ITGA4: variants seen among roughly 807,000 people sequenced by gnomAD.
The protein encoded by ITGA4 is integrin alpha-4.
ITGA4 carries 63 observed loss-of-function variants against 133.6 expected under a neutral mutation model. The observed-to-expected ratio is 0.47, with a 90% confidence interval of 0.38 to 0.58. The LOEUF is 0.58. Among genes scored for constraint, ITGA4 ranks in the 20% least tolerant of loss-of-function variants. The pLI, the probability that ITGA4 is intolerant of heterozygous loss-of-function variation, is 0.00. For missense variants in ITGA4, 1,076 were observed against 1,252.7 expected (o/e 0.86, Z 2.13); for synonymous variants, 483 against 438.0 (o/e 1.10, Z -1.28).
intron 7 of ITGA4, among the ~76,000 whole-genome samples, chr2:181,482,027 T>C (rs1343034085): frequency 6.6e-6 from 1 of 152,174 alleles, no homozygotes; most frequent in Non-Finnish European, 1.5e-5. Context: ...AAGGAAATAT[T>C]ATTCCTGGTT....
intron 2 of ITGA4, among the ~76,000 whole-genome samples, chr2:181,470,783 G>T (rs1214775641): frequency 6.6e-6 from 1 of 152,178 alleles, no homozygotes; most frequent in Non-Finnish European, 1.5e-5. Context: ...GCTGAAGTGG[G>T]AGGATTACAA....
chr2:181,465,395 T>C (rs1685387113), intron 2 of ITGA4, among the ~76,000 whole-genome samples: 1 of 152,134 alleles, frequency 6.6e-6, no homozygotes, highest in South Asian at 2.1e-4. Flanking sequence ...TGACCTCCTT[T>C]AATTCTTTCA....
intron 22 of ITGA4, 99 bp from the exon 23 acceptor site, chr2:181,529,442 T>C: frequency 1.9e-6 from 1 of 529,304 alleles, no homozygotes; most frequent in Non-Finnish European, 3.4e-6. Flanking sequence ...ACTATAAATG[T>C]TGCATGGAAT....
In ITGA4 at chr2:181,472,256, G is replaced by A. The variant is rs539690311; in HGVS notation, c.320-2704G>A. 1.2e-4 allele frequency among the ~76,000 whole-genome samples: 19 copies of A among 152,288 alleles called. No individual in the cohort carries two copies. The South Asian group carries it at 1.7e-3, about 13-fold the overall frequency. On this transcript the variant is annotated intron_variant, in intron 2 of 27. Transcript: ENST00000397033. ...TACAAAACAGTTCAGCTAAGAAACC[G>A]ATAACAATACACTATTTTTGCACAT...
chr2:181,485,913 C>T lies in ITGA4; in HGVS notation c.1074C>T (p.Leu358=), dbSNP rs200722520. Residue 358 remains leucine, a synonymous_variant, in exon 10 of 28, where the codon CTC becomes CTT. Transcript: ENST00000397033. ...TAATGAATGCAATGGAAACAAACCT[C>T]GTTGGAAGTGACAAATATGCTGCAA... ...GAVMNAMETN[L]VGSDKYAARF... is the part of the protein sequence containing the mutation. 1.9e-5 allele frequency: 31 copies of T among 1,603,656 alleles called. No individual in the cohort carries two copies. Among genetic ancestry groups the T allele is most frequent in the East Asian group, 4.5e-5 (2 of 44,216 alleles).
intron 23 of ITGA4, 78 bp downstream of exon 23, chr2:181,529,726 G>A (rs548482814): frequency 2.7e-6 from 2 of 732,340 alleles, no homozygotes; most frequent in Non-Finnish European, 4.7e-6. Context: ...TCCTTTATTC[G>A]AGTAATGATG....
At chr2:181,459,089 A>G (rs755961506) in intron 2 of ITGA4, 1 of 152,206 alleles carries the variant, frequency 6.6e-6, no homozygotes, top group Non-Finnish European at 1.5e-5. Flanking sequence ...TGTTACTGCT[A>G]TATATATTGC....
intron 23 of ITGA4, among the ~76,000 whole-genome samples, chr2:181,529,911 T>G (rs1038073523): frequency 6.6e-6 from 1 of 152,210 alleles, no homozygotes; most frequent in East Asian, 1.9e-4. Flanking sequence ...CATTGAATAA[T>G]TATTTTAAGA....
At position 181,526,820 on chromosome 2, in the gene ITGA4, C is replaced by CTTTTTT. The variant is rs1559056789; in HGVS notation, c.2340-477_2340-476insTTTTTT. 1.8e-4 allele frequency among the ~76,000 whole-genome samples: 5 copies of CTTTTTT among 27,874 alleles called. No individual in the cohort carries two copies. In the East Asian group the frequency reaches 3.1e-3, roughly 17 times the overall value. The allele number at this position is 27,874 out of a possible 152,430, so 18.3% of individuals were successfully genotyped here. A position where few individuals can be genotyped will look rare whatever the true frequency, so the allele number is the denominator to read the frequency against. Reference sequence around the variant, plus strand: ...TTGTCACCCAGGTCAGAGCACATGGCCTTTTTTTTTTTTTTTTTTTTTTTT... The same window carrying CTTTTTT: ...TTGTCACCCAGGTCAGAGCACATGGCTTTTTTCTTTTTTTTTTTTTTTTTTTTTTTT... On this transcript the variant is annotated intron_variant, in intron 21 of 27. Transcript: ENST00000397033.
At chr2:181,512,874 T>A (rs566264917) in intron 17 of ITGA4, among the ~76,000 whole-genome samples, 15 of 152,182 alleles carry the variant, frequency 9.9e-5, no homozygotes, top group African/African-American at 3.6e-4. Context: ...TTTTATGTAT[T>A]TATCAAATGT....
At chr2:181,496,027 C>A in intron 14 of ITGA4, 90 bp downstream of exon 14, 1 of 1,307,218 alleles carries the variant, frequency 7.6e-7, no homozygotes, top group South Asian at 1.4e-5. Flanking sequence ...CGGTTTTCAC[C>A]ACGGAGATCT....
chr2:181,489,662 TTTTA>T (rs369737106), intron 10 of ITGA4, among the ~76,000 whole-genome samples: 110 of 152,274 alleles, frequency 7.2e-4, no homozygotes, highest in African/African-American at 2.4e-3. Flanking sequence ...AGCACTTCTG[TTTTA>T]TTTGTTTATA....
chr2:181,534,779 T>C, intron 26 of ITGA4, 37 bp from the exon 27 acceptor site: 1 of 1,545,772 alleles, frequency 6.5e-7, no homozygotes. Flanking sequence ...GATTTTTTTT[T>C]TTGGTTTTTG....
chr2:181,506,010 G>C lies in ITGA4; in HGVS notation c.1696-3648G>C, dbSNP rs936781126. Among the ~76,000 whole-genome samples, 3 of 151,918 alleles carry C rather than the reference G, an allele frequency of 2.0e-5. No homozygotes were observed. In the East Asian group the frequency reaches 5.8e-4, roughly 29 times the overall value. ...GCCTTGATTTGCAGCATTCCTATAC[G>C]GTCAAAGTTTCATGTTGAGATGATC... On this transcript the variant is annotated intron_variant, in intron 15 of 27. Coordinates refer to ENST00000397033, the MANE Select transcript of ITGA4 (RefSeq NM_000885.6).
intron 14 of ITGA4, among the ~76,000 whole-genome samples, chr2:181,497,838 A>G (rs539163420): frequency 1.3e-5 from 2 of 151,798 alleles, no homozygotes; most frequent in African/African-American, 4.8e-5. Context: ...TCTTGGTAAG[A>G]TCTGGCTTGG....
chr2:181,482,311 T>TA (rs765329314), intron 7 of ITGA4, 49 bp from the exon 8 acceptor site: 4 of 1,519,484 alleles, frequency 2.6e-6, no homozygotes, highest in South Asian at 2.5e-5. Flanking sequence ...AGTGGTGTTT[T>TA]AAAAAATGTT....
chr2:181,509,866 A>G, intron 16 of ITGA4, 59 bp downstream of exon 16: 2 of 1,299,992 alleles, frequency 1.5e-6, no homozygotes, highest in Non-Finnish European at 2.2e-6. Context: ...TTTTTAAAAT[A>G]TGGCATAATT....
At chr2:181,509,238 ATGT>A (rs533130160) in intron 15 of ITGA4, among the ~76,000 whole-genome samples, 176 of 151,462 alleles carry the variant, frequency 1.2e-3, no homozygotes, top group African/African-American at 4.2e-3. Context: ...TTCAATCAAA[ATGT>A]TGTTGAGAGA....
At chr2:181,486,520 A>G (rs905182411) in intron 10 of ITGA4, among the ~76,000 whole-genome samples, 2 of 152,192 alleles carry the variant, frequency 1.3e-5, no homozygotes, top group African/African-American at 4.8e-5. Flanking sequence ...GGGGAATTCA[A>G]GAAGAGATTC....
Sources: gnomAD v4.1 joint callset for allele counts (sites outside exome capture counted in the v4.1 genomes callset) on GRCh38, gnomAD v4.1.1 for gene constraint, MANE v1.5 for transcripts, NCBI Gene and HGNC (gene_info 2026-07-23, HGNC 2026-07-21) for gene names.